THOP1: variants seen among roughly 807,000 people sequenced by gnomAD.
The protein encoded by THOP1 is thimet oligopeptidase 1.
Under a neutral mutation model 71.8 loss-of-function variants are expected in THOP1, and 49 were observed. The ratio of observed to expected loss-of-function variants is 0.68; its 90% CI spans 0.54 to 0.87. The LOEUF is 0.87. THOP1 is among the 40% of genes least tolerant of loss of function. THOP1 has a pLI of 0.00. For missense variants in THOP1, 843 were observed against 975.6 expected (o/e 0.86, Z 1.81); for synonymous variants, 426 against 421.5 (o/e 1.01, Z -0.13).
At chr19:2,807,842 C>A (rs1249482097) in intron 8 of THOP1, 34 bp downstream of exon 8, 2 of 1,432,490 alleles carry the variant, frequency 1.4e-6, no homozygotes, top group African/African-American at 2.9e-5. Flanking sequence ...GGGGCGCACC[C>A]CGGCCCTGGG....
At chr19:2,797,022 G>A (rs1460211284) in intron 4 of THOP1, among the ~76,000 whole-genome samples, 1 of 152,226 alleles carries the variant, frequency 6.6e-6, no homozygotes, top group African/African-American at 2.4e-5. Context: ...CCACTGGAAA[G>A]ATGCGTGTCA....
In THOP1 at chr19:2,805,089, C is replaced by T; in HGVS notation, c.663C>T (p.Tyr221=). The stretch of plus-strand genomic sequence containing the variant: ...GCAAGTTGAAGGTCACCCTCAAGTA[C>T]CCCCATTACTTCCCCCTCCTGAAGA... ...EDGKLKVTLK[Y]PHYFPLLKKC... Residue 221 remains tyrosine (Y), a synonymous_variant, in exon 6 of 13, where the codon TAC becomes TAT. Coordinates refer to ENST00000307741, the MANE Select transcript of THOP1 (RefSeq NM_003249.5). This position sits in a 1 kb window ranked among gnomAD's most constrained non-coding sequence, Gnocchi z 6.6. The T allele has an allele frequency of 6.2e-7, 1 of 1,612,922 alleles. No individual in the cohort carries two copies. The highest frequency in any genetic ancestry group is 8.5e-7 in the Non-Finnish European group (1 of 1,179,838).
chr19:2,799,701 A>G lies in THOP1; in HGVS notation c.499A>G (p.Ile167Val). The change falls in exon 5 of 13, where the codon ATC (isoleucine) becomes GTC (valine). Residue 167 changes from isoleucine (I) to valine (V), a missense_variant. Ile to Val is a conservative substitution (Grantham distance 29, BLOSUM62 3). Coordinates refer to ENST00000307741, the MANE Select transcript of THOP1 (RefSeq NM_003249.5). ...PRETQENIKR[I>V]KKKLSLLCID... ...CCTTTCTCTCCAGAACATCAAACGC[A>G]TCAAGAAGAAGCTGAGCCTTCTGTG... The G allele has an allele frequency of 1.2e-6, 2 of 1,613,114 alleles. No individual in the cohort carries two copies. Among genetic ancestry groups the G allele is most frequent in the Non-Finnish European group, 1.7e-6 (2 of 1,179,604 alleles).
intron 9 of THOP1, chr19:2,809,974 C>G: frequency 2.5e-6 from 1 of 397,718 alleles, no homozygotes. Context: ...CGTCCCCACC[C>G]GGACCTGGCC....
chr19:2,796,487 A>G (rs1916017177), intron 4 of THOP1, among the ~76,000 whole-genome samples: 1 of 140,210 alleles, frequency 7.1e-6, no homozygotes, highest in Non-Finnish European at 1.5e-5. Context: ...GGGCATGGGG[A>G]GTACTGAGCT....
At chr19:2,789,567 T>C (rs1210658206) in intron 1 of THOP1, among the ~76,000 whole-genome samples, 1 of 152,110 alleles carries the variant, frequency 6.6e-6, no homozygotes, top group East Asian at 1.9e-4. Flanking sequence ...CCACTGGGTG[T>C]GGGGTGTGGA....
In THOP1 at chr19:2,813,135, C is replaced by T. The variant is rs1568327914; in HGVS notation, c.1929C>T (p.Ser643=). 1 of 1,611,350 alleles carries T rather than the reference C, an allele frequency of 6.2e-7. No individual in the cohort carries two copies. ...GGCAGGTTGGCATGGATTACAGAAGCTGCATCCTGAGACCCGGCGGTTCCG... is the reference window on the plus strand; with the variant it reads ...GGCAGGTTGGCATGGATTACAGAAGTTGCATCCTGAGACCCGGCGGTTCCG... ...LNSKVGMDYR[S]CILRPGGSED... is the part of the protein sequence containing the mutation. Residue 643 remains serine (S), a synonymous_variant, in exon 13 of 13, where the codon AGC becomes AGT. Transcript: ENST00000307741.
At chr19:2,792,035 C>T (rs1233151210) in intron 2 of THOP1, among the ~76,000 whole-genome samples, 3 of 152,240 alleles carry the variant, frequency 2.0e-5, no homozygotes, top group Non-Finnish European at 1.5e-5. Flanking sequence ...AAGTCCACTT[C>T]GCCCAGGAGC....
rs73920874 is a variant in THOP1 at position 2,808,535 on chromosome 19, G to A, written c.1455+91G>A. On this transcript the variant is annotated intron_variant, in intron 9 of 12. Coordinates refer to ENST00000307741, the MANE Select transcript of THOP1 (RefSeq NM_003249.5). ...GCCCAAGCCTGGGGCTTCGGCTTCC[G>A]GCTCTCTCTGCACCCGTCCGGTGGC... is the stretch of plus-strand genomic sequence containing the variant. 106 of 1,377,224 alleles carry A rather than the reference G, an allele frequency of 7.7e-5. No homozygotes were observed. The African/African-American group carries it at 1.3e-3, about 16-fold the overall frequency. 85.3% of individuals were successfully genotyped at this position (1,377,224 alleles called of 1,614,324 possible).
Position 2,813,170 on chromosome 19 carries a change from G to GC in THOP1, c.1965dup (p.Ala656ArgfsTer10). 1 of 1,612,274 alleles carries GC rather than the reference G, an allele frequency of 6.2e-7. No homozygotes were observed. The highest frequency in any genetic ancestry group is 8.5e-7 in the Non-Finnish European group (1 of 1,179,702). On this transcript the variant is annotated frameshift_variant, in exon 13 of 13. Transcript: ENST00000307741. LOFTEE classifies it high-confidence loss of function. ...AGACCCGGCGGTTCCGAGGATGCCAGCGCCATGCTGAGGCGCTTCCTGGGC... is the reference window on the plus strand; with the variant it reads ...AGACCCGGCGGTTCCGAGGATGCCAGCCGCCATGCTGAGGCGCTTCCTGGGC...
rs2144784295 is a variant in THOP1, at chr19:2,810,557, G to A, written c.1642+67G>A. Reference sequence around the variant, plus strand: ...GCGGCACACAGCTGGGGCCTGGCATGTGCCCCGGGTGGGGGTCGGAGCTCT... The same window carrying A: ...GCGGCACACAGCTGGGGCCTGGCATATGCCCCGGGTGGGGGTCGGAGCTCT... On this transcript the variant is annotated intron_variant, in intron 10 of 12. Coordinates refer to ENST00000307741, the MANE Select transcript of THOP1 (RefSeq NM_003249.5). 3.9e-6 allele frequency: 6 copies of A among 1,524,918 alleles called. No homozygotes were observed. The South Asian group carries it at 6.2e-5, about 16-fold the overall frequency. The allele number at this position is 1,524,918 out of a possible 1,614,324, so 94.5% of individuals were successfully genotyped here. A position where few individuals can be genotyped will look rare whatever the true frequency, so the allele number is the denominator to read the frequency against.
intron 1 of THOP1, among the ~76,000 whole-genome samples, 159 bp from the exon 2 acceptor site, chr19:2,790,262 C>T (rs1209559760): frequency 6.6e-6 from 1 of 152,160 alleles, no homozygotes; most frequent in African/African-American, 2.4e-5. Flanking sequence ...GCCTCCTGCT[C>T]TAGAGGACTG....
In THOP1 at chr19:2,801,264, CAG is replaced by C. The variant is rs200572470; in HGVS notation, c.589+1475_589+1476del. On this transcript the variant is annotated intron_variant, in intron 5 of 12. Transcript: ENST00000307741. The surrounding 1 kb of genome is among the most constrained non-coding windows in gnomAD (Gnocchi z 5.1). ...TTGGCATCAGCCAGCTGGTTCTGCA[CAG>C]ACTCTGCTGGCTCATGTGGGTTCCA... 3.3e-4 allele frequency among the ~76,000 whole-genome samples: 51 copies of C among 152,322 alleles called. 1 individual carries two copies. In the East Asian group the frequency reaches 8.5e-3, roughly 25 times the overall value.
At chr19:2,810,566 G>C (rs980096641) in intron 10 of THOP1, 74 bp from the exon 11 acceptor site, 1 of 1,525,926 alleles carries the variant, frequency 6.6e-7, no homozygotes, top group South Asian at 1.2e-5. Context: ...TGTGCCCCGG[G>C]TGGGGGTCGG....
At chr19:2,786,082 C>A (rs1599515528) in intron 1 of THOP1, among the ~76,000 whole-genome samples, 1 of 148,778 alleles carries the variant, frequency 6.7e-6, no homozygotes, top group African/African-American at 2.6e-5. Flanking sequence ...GTCCCAGGGA[C>A]ACGTTTTTAG....
chr19:2,796,314 G>T, intron 4 of THOP1, 126 bp downstream of exon 4: 2 of 747,202 alleles, frequency 2.7e-6, no homozygotes, highest in South Asian at 1.7e-5. Context: ...GGAGTGCTGG[G>T]CTCGGGGAGT....
chr19:2,808,493 T>G lies in THOP1; in HGVS notation c.1455+49T>G, dbSNP rs774402535. On this transcript the variant is annotated intron_variant, in intron 9 of 12. Coordinates refer to ENST00000307741, the MANE Select transcript of THOP1 (RefSeq NM_003249.5). ...CAGGGGCAGGGGCAGGGGCAGGGGCTGCCTGTGGTCAGCGAGGCCCAAGCC... is the reference window on the plus strand; with the variant it reads ...CAGGGGCAGGGGCAGGGGCAGGGGCGGCCTGTGGTCAGCGAGGCCCAAGCC... 3.3e-6 allele frequency: 5 copies of G among 1,525,016 alleles called. No individual in the cohort carries two copies. The East Asian group carries it at 1.2e-4, about 36-fold the overall frequency. 94.5% of individuals were successfully genotyped at this position (1,525,016 alleles called of 1,614,324 possible). A position where few individuals can be genotyped will look rare whatever the true frequency, so the allele number is the denominator to read the frequency against.
intron 1 of THOP1, among the ~76,000 whole-genome samples, chr19:2,790,136 AC>A (rs1198030311): frequency 6.6e-6 from 1 of 152,082 alleles, no homozygotes; most frequent in African/African-American, 2.4e-5. Context: ...ACTGCAGGGT[AC>A]TAAGCAGGAT....
In THOP1 at chr19:2,814,497, T is replaced by C. The variant is rs1916562982; in HGVS notation, c.*1221T>C. On this transcript the variant is annotated 3_prime_UTR_variant, in exon 13 of 13. Coordinates refer to ENST00000307741, the MANE Select transcript of THOP1 (RefSeq NM_003249.5). ...GTCCTCACCTCCATTTGGACAGGAC[T>C]CCGAGGGCTGTGCCATCTGCTTCAG... 6.6e-6 allele frequency: 1 copy of C among 152,358 alleles called. No individual in the cohort carries two copies. Among genetic ancestry groups the C allele is most frequent in the Non-Finnish European group, 1.5e-5 (1 of 68,134 alleles). 9.4% of individuals were successfully genotyped at this position (152,358 alleles called of 1,614,324 possible).
Sources: gnomAD v4.1 joint callset for allele counts (sites outside exome capture counted in the v4.1 genomes callset) on GRCh38, gnomAD v4.1.1 for gene constraint, Gnocchi (gnomAD v3.1) non-coding constraint, MANE v1.5 for transcripts, NCBI Gene and HGNC (gene_info 2026-07-23, HGNC 2026-07-21) for gene names.